The following MSI2 variants were observed in gnomAD, a reference collection of about 807,000 sequenced individuals.
MSI2 encodes musashi RNA binding protein 2, also known as RNA-binding protein Musashi homolog 2.
Under a neutral mutation model 45.6 loss-of-function variants are expected in MSI2, and 17 were observed. That is an observed-to-expected ratio of 0.37 (90% CI 0.26 to 0.56). MSI2 has a LOEUF of 0.56. Ranked by LOEUF, MSI2 falls within the 20% of genes least tolerant of loss-of-function variation. MSI2 has a pLI of 0.77. For synonymous variants in MSI2, 156 were observed against 158.2 expected (o/e 0.99, Z 0.11); for missense variants, 293 against 444.2 (o/e 0.66, Z 3.06).
chr17:57,666,081 C>G (rs1179970059), intron 11 of MSI2, among the ~76,000 whole-genome samples: 1 of 152,216 alleles, frequency 6.6e-6, no homozygotes, highest in Non-Finnish European at 1.5e-5. Context: ...GGAGCTTCTA[C>G]TCCAAGGCTG....
chr17:57,614,401 C>A (rs1234165914), intron 8 of MSI2, among the ~76,000 whole-genome samples: 2 of 152,160 alleles, frequency 1.3e-5, no homozygotes, highest in Admixed American at 6.5e-5. Context: ...TTAACTTTTT[C>A]TTGCTATCTC....
At chr17:57,504,693 G>A (rs571962061) in intron 6 of MSI2, among the ~76,000 whole-genome samples, 1 of 152,324 alleles carries the variant, frequency 6.6e-6, no homozygotes, top group Non-Finnish European at 1.5e-5. Context: ...CACTTTGGGA[G>A]GCCGAGGCGG....
chr17:57,470,261 C>A (rs1417117124), intron 6 of MSI2, among the ~76,000 whole-genome samples: 6 of 145,060 alleles, frequency 4.1e-5, no homozygotes, highest in African/African-American at 1.5e-4. Context: ...ACATACAATA[C>A]CTTCATATTG....
chr17:57,616,372 C>T (rs1206466185), intron 9 of MSI2: 6 of 231,038 alleles, frequency 2.6e-5, no homozygotes, highest in Admixed American at 5.7e-5. Flanking sequence ...TCTTTTCCAT[C>T]TCCTTCCTCA....
intron 5 of MSI2, among the ~76,000 whole-genome samples, chr17:57,344,122 T>A (rs867393773): frequency 1.7e-4 from 26 of 152,372 alleles, no homozygotes; most frequent in Middle Eastern, 3.4e-3. Context: ...TCACTGATGA[T>A]TCTTGCCTGA....
At chr17:57,548,325 A>G (rs1408676299) in intron 7 of MSI2, among the ~76,000 whole-genome samples, 3 of 151,584 alleles carry the variant, frequency 2.0e-5, no homozygotes, top group African/African-American at 7.3e-5. Context: ...CTGACATATT[A>G]ATTCGTTTAA....
At chr17:57,276,968 G>A (rs2143332861) in intron 5 of MSI2, among the ~76,000 whole-genome samples, 1 of 152,242 alleles carries the variant, frequency 6.6e-6, no homozygotes, top group East Asian at 1.9e-4. Flanking sequence ...AGGAGACCTG[G>A]AGAGGAAGGG....
intron 8 of MSI2, among the ~76,000 whole-genome samples, chr17:57,604,403 C>A (rs1906289146): frequency 1.3e-5 from 2 of 152,066 alleles, no homozygotes; most frequent in South Asian, 4.2e-4. Flanking sequence ...CAGTAAAATG[C>A]AAGTGGTGCG....
intron 6 of MSI2, among the ~76,000 whole-genome samples, chr17:57,421,734 G>A (rs1252692047): frequency 1.3e-5 from 2 of 152,140 alleles, no homozygotes; most frequent in East Asian, 1.9e-4. Context: ...AAATGTGCCT[G>A]TACTCCTAGC....
chr17:57,491,378 G>A (rs1379638966), intron 6 of MSI2, among the ~76,000 whole-genome samples: 4 of 152,234 alleles, frequency 2.6e-5, no homozygotes, highest in Non-Finnish European at 4.4e-5. Flanking sequence ...CAATTCAGCA[G>A]AACATTGACC....
intron 11 of MSI2, among the ~76,000 whole-genome samples, chr17:57,669,822 C>G (rs899747158): frequency 5.3e-5 from 8 of 152,196 alleles, no homozygotes; most frequent in Non-Finnish European, 1.2e-4. Flanking sequence ...ATTGCATTTG[C>G]CTCCCCGAGC....
At chr17:57,543,477 A>G (rs560430181) in intron 7 of MSI2, among the ~76,000 whole-genome samples, 2 of 152,336 alleles carry the variant, frequency 1.3e-5, no homozygotes, top group African/African-American at 4.8e-5. Flanking sequence ...TAAAGTGCCT[A>G]TGCATTTCTA....
chr17:57,307,661 G>A (rs1444762595), intron 5 of MSI2, among the ~76,000 whole-genome samples: 1 of 151,750 alleles, frequency 6.6e-6, no homozygotes, highest in Non-Finnish European at 1.5e-5. Flanking sequence ...CTGACCTCAG[G>A]TGATCTACTT....
intron 6 of MSI2, among the ~76,000 whole-genome samples, chr17:57,474,620 C>T (rs2085503251): frequency 6.6e-6 from 1 of 152,222 alleles, no homozygotes; most frequent in Non-Finnish European, 1.5e-5. Context: ...CTACCTGAAA[C>T]CTAAGTCCTT....
At position 57,475,069 on chromosome 17, in the gene MSI2, G is replaced by A. The variant is rs925390879; in HGVS notation, c.406-54607G>A. Reference sequence around the variant, plus strand: ...CTAAGGTGATCAGTGGACATCTGAGGTGCTTGATCCAGTGTTGCCAACACA... The same window carrying A: ...CTAAGGTGATCAGTGGACATCTGAGATGCTTGATCCAGTGTTGCCAACACA... On this transcript the variant is annotated intron_variant, in intron 6 of 13. Transcript: ENST00000284073. 2.0e-5 allele frequency among the ~76,000 whole-genome samples: 3 copies of A among 152,180 alleles called. No homozygotes were observed. The South Asian group carries it at 6.2e-4, about 32-fold the overall frequency.
At chr17:57,272,537 G>A (rs895724771) in intron 5 of MSI2, among the ~76,000 whole-genome samples, 1 of 152,100 alleles carries the variant, frequency 6.6e-6, no homozygotes, top group Non-Finnish European at 1.5e-5. Context: ...AATTAAACAT[G>A]GCAACAACTG....
intron 7 of MSI2, among the ~76,000 whole-genome samples, chr17:57,595,612 A>T (rs1905186276): frequency 2.0e-5 from 3 of 152,006 alleles, no homozygotes; most frequent in Admixed American, 2.0e-4. Flanking sequence ...GTCTTTCTGT[A>T]AGGGCACTAA....
intron 6 of MSI2, among the ~76,000 whole-genome samples, chr17:57,460,163 A>G (rs1370446858): frequency 7.3e-6 from 1 of 136,542 alleles, no homozygotes; most frequent in Non-Finnish European, 1.6e-5. Context: ...AAATAAATAA[A>G]TAAATAAATA....
intron 6 of MSI2, among the ~76,000 whole-genome samples, chr17:57,456,576 C>T (rs1326553074): frequency 6.6e-6 from 1 of 151,664 alleles, no homozygotes; most frequent in Non-Finnish European, 1.5e-5. Flanking sequence ...GCCTGGGCGA[C>T]AGAGCGATCG....
Sources: gnomAD v4.1 joint callset for allele counts (sites outside exome capture counted in the v4.1 genomes callset) on GRCh38, gnomAD v4.1.1 for gene constraint, MANE v1.5 for transcripts, NCBI Gene and HGNC (gene_info 2026-07-23, HGNC 2026-07-21) for gene names.